Variants in USP34 observed in about 807,000 individuals in gnomAD.
USP34 encodes ubiquitin specific peptidase 34.
A neutral mutation model predicts 460.3 loss-of-function variants in USP34; 70 were observed. The observed-to-expected ratio is 0.15, with a 90% CI of 0.13 to 0.19. The LOEUF is 0.19. Ranked by LOEUF, USP34 falls within the 10% of genes least tolerant of loss-of-function variation. The pLI is 1.00. For synonymous variants in USP34, 1,647 were observed against 1,405.3 expected (o/e 1.17, Z -3.85); for missense variants, 3,985 against 4,236.2 (o/e 0.94, Z 1.65).
chr2:61,336,725 A>C (rs921462075), intron 18 of USP34, among the ~76,000 whole-genome samples: 1 of 146,798 alleles, frequency 6.8e-6, no homozygotes, highest in East Asian at 2.0e-4. Context: ...CAGGAGAATC[A>C]CTTGAACCCG....
intron 2 of USP34, among the ~76,000 whole-genome samples, chr2:61,415,967 C>T (rs1694181693): frequency 6.6e-6 from 1 of 152,210 alleles, no homozygotes; most frequent in South Asian, 2.1e-4. Flanking sequence ...GAGGAATCTA[C>T]ATGTCAAAAT....
chr2:61,225,028 GC>G (rs1687687954), intron 62 of USP34, among the ~76,000 whole-genome samples: 1 of 152,124 alleles, frequency 6.6e-6, no homozygotes, highest in South Asian at 2.1e-4. Context: ...TACCCTAGAT[GC>G]CAAGGGTACT....
chr2:61,431,985 T>C (rs1694688969), intron 1 of USP34, among the ~76,000 whole-genome samples: 1 of 152,114 alleles, frequency 6.6e-6, no homozygotes, highest in Non-Finnish European at 1.5e-5. Context: ...ATAAAGGTAT[T>C]GAAATAGCAT....
In USP34 at chr2:61,278,196, T is replaced by C. The variant is rs1275310940; in HGVS notation, c.5402A>G (p.Lys1801Arg). 2.5e-6 allele frequency: 4 copies of C among 1,613,462 alleles called. No homozygotes were observed. The highest frequency in any genetic ancestry group is 1.7e-4 in the Middle Eastern group (1 of 6,052). Residue 1801 changes from lysine to arginine, a missense_variant, in exon 41 of 80, where the codon AAA becomes AGA. Transcript: ENST00000398571. ...TTCCCTTGAAAATTTAAAGGGTGGT[T>C]TGTGTTTAACAACACTTGTTGCAAG... is the stretch of plus-strand genomic sequence containing the variant. ...LRLATSVVKH[K>R]PPFKFSREGQ... is the part of the protein sequence containing the mutation.
At chr2:61,282,193 G>A (rs941643636) in intron 37 of USP34, among the ~76,000 whole-genome samples, 2 of 152,246 alleles carry the variant, frequency 1.3e-5, no homozygotes, top group Middle Eastern at 3.4e-3. Context: ...GTTTCACCAT[G>A]TTGGCCAGGC....
chr2:61,355,897 T>C (rs1465233590), intron 10 of USP34, among the ~76,000 whole-genome samples: 1 of 152,088 alleles, frequency 6.6e-6, no homozygotes, highest in Non-Finnish European at 1.5e-5. Context: ...AGGTTTAATG[T>C]GAAAGGACAG....
intron 75 of USP34, chr2:61,200,285 A>T (rs917330247): frequency 6.6e-6 from 1 of 152,354 alleles, no homozygotes; most frequent in East Asian, 1.9e-4. Context: ...GTTTTTAAGT[A>T]TCAAAATACT....
chr2:61,366,266 G>A (rs1426094037), intron 10 of USP34, among the ~76,000 whole-genome samples: 1 of 152,188 alleles, frequency 6.6e-6, no homozygotes, highest in Non-Finnish European at 1.5e-5. Flanking sequence ...GAAAGTTGTA[G>A]CTCAGAGTAA....
At chr2:61,254,078 G>A (rs1688658526) in intron 48 of USP34, among the ~76,000 whole-genome samples, 3 of 152,164 alleles carry the variant, frequency 2.0e-5, no homozygotes, top group African/African-American at 7.2e-5. Flanking sequence ...TTGATTCCAT[G>A]TGTCCCGACA....
intron 2 of USP34, among the ~76,000 whole-genome samples, chr2:61,413,709 G>A (rs2103955582): frequency 6.9e-6 from 1 of 144,020 alleles, no homozygotes; most frequent in African/African-American, 2.6e-5. Flanking sequence ...CCGAGTGAGT[G>A]GCTCACGCCT....
chr2:61,221,301 G>C (rs1284532884), intron 66 of USP34, among the ~76,000 whole-genome samples: 1 of 152,108 alleles, frequency 6.6e-6, no homozygotes, highest in African/African-American at 2.4e-5. Context: ...CTTCAAATTG[G>C]CTAAAGCTGT....
intron 41 of USP34, among the ~76,000 whole-genome samples, chr2:61,274,709 T>C (rs1028387752): frequency 2.6e-5 from 4 of 152,166 alleles, no homozygotes; most frequent in Admixed American, 6.5e-5. Flanking sequence ...AGTATGTTGG[T>C]AGAAATGCTG....
intron 39 of USP34, among the ~76,000 whole-genome samples, chr2:61,279,608 G>C (rs938521736): frequency 2.0e-5 from 3 of 152,146 alleles, no homozygotes; most frequent in Non-Finnish European, 4.4e-5. Flanking sequence ...TAGGACTACA[G>C]GCACCTGTGA....
In USP34 at chr2:61,206,863, C is replaced by T; in HGVS notation, c.8943G>A (p.Met2981Ile). Residue 2981 changes from methionine to isoleucine, a missense_variant, in exon 71 of 80, where the codon ATG becomes ATA. Around this residue, in one of 14 missense-constraint regions of USP34, gnomAD observed 275 missense variants for 292.7 expected, o/e 0.94. Transcript: ENST00000398571. ...CATGGCAAGCTGTAGCTTCGTGATA[C>T]ATCATGTGCAAAGTGTTGAAAGACT... ...MTESFNTLHM[M>I]YHEATACHVT... is the part of the protein sequence containing the mutation. 1 of 1,612,892 alleles carries T rather than the reference C, an allele frequency of 6.2e-7. No homozygotes were observed. The highest frequency in any genetic ancestry group is 1.1e-5 in the South Asian group (1 of 90,800).
chr2:61,394,726 T>A (rs1693464258), intron 5 of USP34, 127 bp downstream of exon 5: 1 of 644,118 alleles, frequency 1.6e-6, no homozygotes, highest in Non-Finnish European at 2.4e-6. Flanking sequence ...TGTACTCATT[T>A]TGTCAAAATA....
intron 1 of USP34, among the ~76,000 whole-genome samples, chr2:61,421,774 AACACACAC>A (rs34490089): frequency 7.4e-5 from 11 of 149,184 alleles, no homozygotes; most frequent in African/African-American, 9.8e-5. Flanking sequence ...TTACATTTAA[AACACACAC>A]ACACACACAC....
At chr2:61,270,183 GTTA>G (rs1211902014) in intron 41 of USP34, among the ~76,000 whole-genome samples, 2 of 152,192 alleles carry the variant, frequency 1.3e-5, no homozygotes, top group African/African-American at 4.8e-5. Context: ...CCTTTGGAAG[GTTA>G]TTAAGTCATG....
intron 5 of USP34, among the ~76,000 whole-genome samples, chr2:61,383,962 C>T (rs1169195309): frequency 2.0e-5 from 3 of 152,222 alleles, no homozygotes; most frequent in African/African-American, 7.2e-5. Flanking sequence ...ATTCTCTATA[C>T]CTCTTTGTAC....
Position 61,188,354 on chromosome 2 carries a change from C to T in USP34, c.10389G>A (p.Glu3463=). The change falls in exon 80 of 80, where the codon GAG becomes GAA. Residue 3463 remains glutamate, a synonymous_variant. Transcript: ENST00000398571. ...AAGTAGAAGGGAACTCAGATTCTTC[C>T]TCAGCTAGGGTAGAATCCTTGGAAC... ...LHCSKDSTLA[E]EESEFPSTSI... 6.2e-7 allele frequency: 1 copy of T among 1,613,714 alleles called. No individual in the cohort carries two copies. Among genetic ancestry groups the T allele is most frequent in the East Asian group, 2.2e-5 (1 of 44,886 alleles).
Sources: gnomAD v4.1 joint callset for allele counts (sites outside exome capture counted in the v4.1 genomes callset) on GRCh38, gnomAD v4.1.1 for gene constraint, gnomAD v4.1.1 regional missense constraint, MANE v1.5 for transcripts, NCBI Gene and HGNC (gene_info 2026-07-23, HGNC 2026-07-21) for gene names.